The following MAMDC2 variants were observed in gnomAD, a reference collection of about 807,000 sequenced individuals.
MAMDC2 encodes the protein MAM domain-containing protein 2.
A neutral mutation model predicts 89.8 loss-of-function variants in MAMDC2; 57 were observed. The observed-to-expected ratio is 0.63, with a 90% CI of 0.51 to 0.79. The LOEUF (loss-of-function observed/expected upper bound fraction) is 0.79. Ranked by LOEUF, MAMDC2 falls within the 30% of genes least tolerant of loss-of-function variation. The pLI is 0.00. For synonymous variants in MAMDC2, 313 were observed against 293.4 expected (o/e 1.07, Z -0.68); for missense variants, 800 against 820.6 (o/e 0.97, Z 0.31).
chr9:70,155,742 C>T (rs2031738583), intron 9 of MAMDC2, among the ~76,000 whole-genome samples: 1 of 152,170 alleles, frequency 6.6e-6, no homozygotes, highest in South Asian at 2.1e-4. Context: ...TTGTCTTCTG[C>T]CCTCTGCCTT....
intron 11 of MAMDC2, among the ~76,000 whole-genome samples, chr9:70,212,416 A>G (rs2033372925): frequency 6.6e-6 from 1 of 152,186 alleles, no homozygotes; most frequent in Non-Finnish European, 1.5e-5. Flanking sequence ...TGGGTTTGGG[A>G]CCCTCTGAGC....
At chr9:70,219,714 T>C (rs970641837) in intron 12 of MAMDC2, among the ~76,000 whole-genome samples, 6 of 152,182 alleles carry the variant, frequency 3.9e-5, no homozygotes. Flanking sequence ...CCTAGACATT[T>C]GGCAAAGAAT....
At chr9:70,057,906 C>T (rs1421133645) in intron 2 of MAMDC2, among the ~76,000 whole-genome samples, 2 of 152,190 alleles carry the variant, frequency 1.3e-5, no homozygotes, top group Non-Finnish European at 2.9e-5. Flanking sequence ...GACTTGCCAT[C>T]CAGGTGCCCT....
Position 70,102,086 on chromosome 9 carries a change from G to A in MAMDC2, c.149-6125G>A, listed in dbSNP as rs1005921666. 2.4e-4 allele frequency among the ~76,000 whole-genome samples: 36 copies of A among 151,054 alleles called. No individual in the cohort carries two copies. The South Asian group carries it at 3.3e-3, about 14-fold the overall frequency. ...GCTATTCATATGAAAAACATATTTC[G>A]TATGTGTGTGTGTTGTACTAGTGGT... On this transcript the variant is annotated intron_variant, in intron 2 of 13. Coordinates refer to ENST00000377182, the MANE Select transcript of MAMDC2 (RefSeq NM_153267.5).
At chr9:70,199,138 T>G (rs941715794) in intron 11 of MAMDC2, among the ~76,000 whole-genome samples, 2 of 150,178 alleles carry the variant, frequency 1.3e-5, no homozygotes, top group Non-Finnish European at 3.0e-5. Context: ...ACATGTGCTG[T>G]GCTGGTGCGC....
intron 11 of MAMDC2, among the ~76,000 whole-genome samples, chr9:70,214,382 C>T (rs1359499362): frequency 6.6e-6 from 1 of 152,136 alleles, no homozygotes; most frequent in African/African-American, 2.4e-5. Context: ...CAGCAGCATA[C>T]CTGCCATATT....
At chr9:70,186,838 G>A (rs1563991856) in intron 11 of MAMDC2, among the ~76,000 whole-genome samples, 1 of 152,174 alleles carries the variant, frequency 6.6e-6, no homozygotes, top group Non-Finnish European at 1.5e-5. Context: ...GAGCAAGAGG[G>A]AGGCAGGAAG....
chr9:70,110,666 G>A (rs1340062723), intron 4 of MAMDC2, among the ~76,000 whole-genome samples: 4 of 152,162 alleles, frequency 2.6e-5, no homozygotes, highest in African/African-American at 9.7e-5. Context: ...GCTTGGACCT[G>A]CTGAATCATG....
Position 70,217,509 on chromosome 9 carries a change from A to T in MAMDC2, c.1652-828A>T, listed in dbSNP as rs927705698. 1.2e-5 allele frequency: 18 copies of T among 1,529,724 alleles called. 1 individual carries two copies. The highest frequency in any genetic ancestry group is 2.3e-4 in the Middle Eastern group (1 of 4,324). 94.8% of individuals were successfully genotyped at this position (1,529,724 alleles called of 1,614,324 possible). A position where few individuals can be genotyped will look rare whatever the true frequency, so the allele number is the denominator to read the frequency against. Reference sequence around the variant, plus strand: ...AACCTTAAGTTAGAAAGGCTCAACGAGAACAAGCTATCAGGGCTGCTAAGG... The same window carrying T: ...AACCTTAAGTTAGAAAGGCTCAACGTGAACAAGCTATCAGGGCTGCTAAGG... On this transcript the variant is annotated intron_variant, in intron 11 of 13. Transcript: ENST00000377182.
At chr9:70,071,703 G>A (rs1240977744) in intron 2 of MAMDC2, 1 of 152,028 alleles carries the variant, frequency 6.6e-6, no homozygotes, top group Non-Finnish European at 1.5e-5. Flanking sequence ...TCCATTTGGG[G>A]AGTTGATGAG....
chr9:70,225,405 T>TGGGTGCTGGG (rs1190390662), intron 12 of MAMDC2, among the ~76,000 whole-genome samples: 3 of 151,904 alleles, frequency 2.0e-5, no homozygotes, highest in Non-Finnish European at 4.4e-5. Context: ...AGACCCTGTG[T>TGGGTGCTGGG]GGGTGCTGGG....
At chr9:70,157,570 C>T (rs2031806610) in intron 9 of MAMDC2, 1 of 152,656 alleles carries the variant, frequency 6.6e-6, no homozygotes, top group Non-Finnish European at 1.5e-5. Flanking sequence ...GCATATCCCA[C>T]CACATCACTG....
chr9:70,064,957 T>C (rs918996086), intron 2 of MAMDC2, among the ~76,000 whole-genome samples: 2 of 152,214 alleles, frequency 1.3e-5, no homozygotes, highest in African/African-American at 2.4e-5. Context: ...CAAGCCATTG[T>C]AACTTGAGTG....
At chr9:70,044,765 A>C in intron 2 of MAMDC2, 68 bp downstream of exon 2, 1 of 1,119,744 alleles carries the variant, frequency 8.9e-7, no homozygotes, top group Middle Eastern at 1.9e-4. Flanking sequence ...TTTTTTTCCC[A>C]CATGGGTAAT....
intron 9 of MAMDC2, among the ~76,000 whole-genome samples, chr9:70,149,711 T>C (rs901048718): frequency 5.3e-5 from 8 of 152,186 alleles, no homozygotes; most frequent in Non-Finnish European, 1.0e-4. Flanking sequence ...TCTTTTGGTG[T>C]GGGGCCTGGG....
intron 6 of MAMDC2, among the ~76,000 whole-genome samples, chr9:70,131,133 C>T (rs1336322650): frequency 6.6e-6 from 1 of 152,202 alleles, no homozygotes; most frequent in Non-Finnish European, 1.5e-5. Context: ...GGCACCTACT[C>T]ATTGTGTCCG....
intron 2 of MAMDC2, among the ~76,000 whole-genome samples, chr9:70,051,898 G>GATAC (rs781624097): frequency 6.6e-6 from 1 of 151,726 alleles, no homozygotes; most frequent in Non-Finnish European, 1.5e-5. Context: ...GAGATAGATA[G>GATAC]ATAGATAGAT....
Position 70,044,234 on chromosome 9 carries a change from A to AAGG in MAMDC2, c.34+4_34+6dup, listed in dbSNP as rs753164551. 6.2e-7 allele frequency: 1 copy of AAGG among 1,612,818 alleles called. No individual in the cohort carries two copies. Among genetic ancestry groups the AAGG allele is most frequent in the South Asian group, 1.1e-5 (1 of 91,086 alleles). On this transcript the variant is annotated splice_donor_region_variant and intron_variant, in intron 1 of 13. Coordinates refer to ENST00000377182, the MANE Select transcript of MAMDC2 (RefSeq NM_153267.5). Reference sequence around the variant, plus strand: ...GGGCGTCCTCCTGGCGTTGCAAGGTAAGGCCTGGACCCCGGGACAACCCCG... The same window carrying AAGG: ...GGGCGTCCTCCTGGCGTTGCAAGGTAAGGAGGCCTGGACCCCGGGACAACCCCG...
intron 11 of MAMDC2, among the ~76,000 whole-genome samples, chr9:70,181,570 A>T (rs1269090878): frequency 6.6e-6 from 1 of 152,102 alleles, no homozygotes; most frequent in Non-Finnish European, 1.5e-5. Context: ...GGTCCTTCAC[A>T]TCCCTTGTAA....
Sources: gnomAD v4.1 joint callset for allele counts (sites outside exome capture counted in the v4.1 genomes callset) on GRCh38, gnomAD v4.1.1 for gene constraint, MANE v1.5 for transcripts, NCBI Gene and HGNC (gene_info 2026-07-23, HGNC 2026-07-21) for gene names.